Variants in TMEM232 observed in about 807,000 individuals in gnomAD.
TMEM232 encodes transmembrane protein 232.
A neutral mutation model predicts 78.8 loss-of-function variants in TMEM232; 80 were observed. The observed-to-expected ratio is 1.01, with a 90% confidence interval of 0.85 to 1.22. The LOEUF is 1.22. Among genes scored for constraint, TMEM232 ranks in the 50% most tolerant of loss-of-function variants. The pLI is 0.00. For synonymous variants in TMEM232, 297 were observed against 254.3 expected, an observed-to-expected ratio of 1.17 and a Z score of -1.60; for missense variants, 881 against 742.2, an observed-to-expected ratio of 1.19 and a Z score of -2.17.
exon 2 of TMEM232, chr5:110,735,005 AT>A: frequency 6.6e-6 from 1 of 152,334 alleles, no homozygotes; most frequent in Middle Eastern, 3.4e-3. Flanking sequence ...CAACACAGTG[AT>A]GCCCTGTCTC....
At chr5:110,656,745 G>A (rs1322867163) in intron 2 of TMEM232, among the ~76,000 whole-genome samples, 1 of 151,806 alleles carries the variant, frequency 6.6e-6, no homozygotes, top group Non-Finnish European at 1.5e-5. Flanking sequence ...GGCTGAGGCA[G>A]GAGAATGGCA....
At position 110,460,938 on chromosome 5, in the gene TMEM232, T is replaced by C. The variant is rs954444395; in HGVS notation, c.1704-36022A>G. On this transcript the variant is annotated intron_variant, in intron 12 of 13. Coordinates refer to ENST00000455884, the MANE Select transcript of TMEM232 (RefSeq NM_001039763.4). ...AGATACACATTGTACGTGTTCTGAC[T>C]GCTCAACTGACCAGTTTTTCCCCCA... Among the ~76,000 whole-genome samples, 3 of 152,288 alleles carry C rather than the reference T, an allele frequency of 2.0e-5. No homozygotes were observed. In the East Asian group the frequency reaches 5.8e-4, roughly 29 times the overall value.
intron 7 of TMEM232, 101 bp from the exon 8 acceptor site, chr5:110,618,663 T>C: frequency 1.5e-5 from 17 of 1,170,452 alleles, no homozygotes; most frequent in Non-Finnish European, 2.0e-5. Context: ...AATATACAAA[T>C]GAAAATGCAT....
chr5:110,464,572 G>C (rs1761875826), intron 12 of TMEM232, among the ~76,000 whole-genome samples: 1 of 152,150 alleles, frequency 6.6e-6, no homozygotes, highest in African/African-American at 2.4e-5. Context: ...TGACTTTTAA[G>C]CTCAAATTTA....
chr5:110,492,332 A>G (rs1159234378), intron 12 of TMEM232, among the ~76,000 whole-genome samples: 1 of 152,016 alleles, frequency 6.6e-6, no homozygotes, highest in Non-Finnish European at 1.5e-5. Context: ...AAGTAAACTG[A>G]ATATGGTAAC....
chr5:110,721,542 C>T (rs1056445161), intron 1 of TMEM232, among the ~76,000 whole-genome samples: 1 of 150,822 alleles, frequency 6.6e-6, no homozygotes, highest in African/African-American at 2.4e-5. Context: ...ATAACAGTAT[C>T]ACAACCTCTC....
intron 2 of TMEM232, among the ~76,000 whole-genome samples, chr5:110,653,407 C>T (rs564755886): frequency 6.6e-6 from 1 of 152,244 alleles, no homozygotes; most frequent in African/African-American, 2.4e-5. Context: ...TGCTGTAAAA[C>T]TGTTAGTTAT....
At chr5:110,669,188 G>T (rs7731400) in intron 1 of TMEM232, among the ~76,000 whole-genome samples, 12,926 of 152,122 alleles carry the variant, frequency 0.085, 574 homozygotes, top group Admixed American at 0.12. Flanking sequence ...AATGAATCCA[G>T]GAGCTGGTTT....
At chr5:110,730,164 T>C (rs1798541316), upstream of TMEM232, among the ~76,000 whole-genome samples, 1 of 150,464 alleles carries the variant, frequency 6.6e-6, no homozygotes, top group African/African-American at 2.5e-5. Context: ...AGTCCTCCAG[T>C]TGCTTGGAAT....
chr5:110,685,148 T>G (rs542038421), intron 1 of TMEM232, among the ~76,000 whole-genome samples: 1 of 152,122 alleles, frequency 6.6e-6, no homozygotes, highest in African/African-American at 2.4e-5. Flanking sequence ...ACAATGAAAT[T>G]TGAAAAATAT....
intron 11 of TMEM232, among the ~76,000 whole-genome samples, chr5:110,539,782 CAG>C (rs1490393325): frequency 6.6e-6 from 1 of 152,148 alleles, no homozygotes; most frequent in Non-Finnish European, 1.5e-5. Context: ...TCCTGGCAGA[CAG>C]GGGATACAAA....
chr5:110,425,315 A>G (rs1757116477), intron 12 of TMEM232, among the ~76,000 whole-genome samples: 1 of 152,140 alleles, frequency 6.6e-6, no homozygotes, highest in Non-Finnish European at 1.5e-5. Flanking sequence ...AGTTCAGTGA[A>G]ATTGTTGGCA....
intron 12 of TMEM232, among the ~76,000 whole-genome samples, chr5:110,473,683 C>T (rs772966630): frequency 4.6e-4 from 70 of 150,926 alleles, no homozygotes; most frequent in Non-Finnish European, 6.5e-4. Context: ...GATATCTGCA[C>T]TCCCATGTTT....
intron 10 of TMEM232, among the ~76,000 whole-genome samples, chr5:110,589,287 A>G (rs991416416): frequency 6.6e-6 from 1 of 152,156 alleles, no homozygotes; most frequent in Non-Finnish European, 1.5e-5. Context: ...GAAGTGTTTT[A>G]ATGACACAGA....
chr5:110,448,704 G>A (rs1379685975), intron 12 of TMEM232, among the ~76,000 whole-genome samples: 2 of 151,882 alleles, frequency 1.3e-5, no homozygotes, highest in African/African-American at 2.4e-5. Flanking sequence ...CATGGAATGA[G>A]GAAAGTATCA....
intron 10 of TMEM232, among the ~76,000 whole-genome samples, chr5:110,570,356 A>G (rs1776805553): frequency 1.3e-5 from 2 of 152,012 alleles, no homozygotes; most frequent in Non-Finnish European, 2.9e-5. Context: ...TTCTTAAACC[A>G]TTTTCTTTGT....
intron 1 of TMEM232, chr5:110,737,877 C>CA (rs1799361622): frequency 6.5e-6 from 1 of 153,612 alleles, no homozygotes; most frequent in South Asian, 1.8e-4. Context: ...CACCTTTGCC[C>CA]AAGCTGCATC....
chr5:110,544,739 G>A (rs12332108), intron 11 of TMEM232, among the ~76,000 whole-genome samples: 36,562 of 151,864 alleles, frequency 0.24, 7,608 homozygotes, highest in African/African-American at 0.57. Flanking sequence ...GTGACTCAAA[G>A]TAGTGTCATA....
chr5:110,708,304 T>C (rs73228177), intron 1 of TMEM232, among the ~76,000 whole-genome samples: 4,375 of 152,190 alleles, frequency 0.029, 215 homozygotes, highest in African/African-American at 0.1. Context: ...AGTTGAGGGA[T>C]TTCATCAACA....
Sources: gnomAD v4.1 joint callset for allele counts (sites outside exome capture counted in the v4.1 genomes callset) on GRCh38, gnomAD v4.1.1 for gene constraint, MANE v1.5 for transcripts, NCBI Gene and HGNC (gene_info 2026-07-23, HGNC 2026-07-21) for gene names.